The following CNTN6 variants were observed in gnomAD, a reference collection of about 807,000 sequenced individuals.
CNTN6 encodes the protein contactin-6.
In CNTN6, 137 loss-of-function variants were observed where a neutral mutation model predicts 122.8. The observed-to-expected ratio is 1.12, with a 90% CI of 0.97 to 1.29. The LOEUF is 1.29. CNTN6 is among the 50% of genes most tolerant of loss of function. The pLI is 0.00. For missense variants in CNTN6, 1,634 were observed against 1,223.4 expected, an observed-to-expected ratio of 1.34 and a Z score of -5.01; for synonymous variants, 570 against 426.0, an observed-to-expected ratio of 1.34 and a Z score of -4.16.
chr3:1,380,084 G>A (rs567531962), intron 17 of CNTN6, among the ~76,000 whole-genome samples: 16 of 152,292 alleles, frequency 1.1e-4, no homozygotes, highest in African/African-American at 3.6e-4. Flanking sequence ...TCTGAACTAC[G>A]TTTTGAAAAG....
At chr3:1,094,628 C>T (rs2090423880) in intron 1 of CNTN6, among the ~76,000 whole-genome samples, 1 of 151,630 alleles carries the variant, frequency 6.6e-6, no homozygotes, top group African/African-American at 2.4e-5. Flanking sequence ...TGTAGCTTTC[C>T]TTAATGAAAA....
chr3:1,245,085 G>T (rs1422058674), intron 4 of CNTN6, among the ~76,000 whole-genome samples: 1 of 146,798 alleles, frequency 6.8e-6, no homozygotes, highest in East Asian at 2.0e-4. Context: ...GGGCTCAGAG[G>T]CCTGACAAAA....
At chr3:1,272,180 G>C (rs1334039514) in intron 4 of CNTN6, among the ~76,000 whole-genome samples, 1 of 152,208 alleles carries the variant, frequency 6.6e-6, no homozygotes, top group Non-Finnish European at 1.5e-5. Context: ...GGAGCTGTGA[G>C]TCCATTAAAA....
At chr3:1,336,136 G>T (rs1487440044) in intron 11 of CNTN6, among the ~76,000 whole-genome samples, 1 of 149,730 alleles carries the variant, frequency 6.7e-6, no homozygotes, top group Non-Finnish European at 1.5e-5. Flanking sequence ...TAAAAAAAAA[G>T]CCTACTGCAC....
At chr3:1,262,231 G>A (rs547737479) in intron 4 of CNTN6, among the ~76,000 whole-genome samples, 146 of 152,268 alleles carry the variant, frequency 9.6e-4, no homozygotes, top group African/African-American at 3.4e-3. Flanking sequence ...CAGGGGCAGA[G>A]AAGCTTATGC....
chr3:1,317,405 A>G (rs1700242854), intron 7 of CNTN6, among the ~76,000 whole-genome samples: 1 of 151,782 alleles, frequency 6.6e-6, no homozygotes, highest in Non-Finnish European at 1.5e-5. Context: ...TGAATACAGC[A>G]GGAAAATGAC....
At chr3:1,352,277 C>T in intron 11 of CNTN6, 47 bp from the exon 12 acceptor site, 4 of 1,407,668 alleles carry the variant, frequency 2.8e-6, no homozygotes, top group Non-Finnish European at 3.8e-6. Context: ...TATGATTTAC[C>T]AGTGTTGAAG....
At chr3:1,202,128 C>T (rs1412873805) in intron 2 of CNTN6, among the ~76,000 whole-genome samples, 3 of 152,162 alleles carry the variant, frequency 2.0e-5, no homozygotes, top group Non-Finnish European at 4.4e-5. Context: ...GGGAGTGTCA[C>T]TTATTTCTCT....
intron 1 of CNTN6, among the ~76,000 whole-genome samples, chr3:1,137,055 C>T (rs1221677011): frequency 6.6e-6 from 1 of 152,100 alleles, no homozygotes; most frequent in East Asian, 1.9e-4. Context: ...CTCCTGGCAC[C>T]CCATTCTGTC....
intron 1 of CNTN6, among the ~76,000 whole-genome samples, chr3:1,094,353 A>G (rs1344091846): frequency 1.3e-5 from 2 of 151,914 alleles, no homozygotes; most frequent in Non-Finnish European, 2.9e-5. Context: ...AATTTGTGTA[A>G]AAAAAAAGAA....
rs1696575874 is a variant in CNTN6, at chr3:1,298,004, T to A, written c.761+13T>A. On this transcript the variant is annotated intron_variant, in intron 7 of 22. Transcript: ENST00000446702. ...TTGCCCTTGGAAAGTAAGGTTTTTG[T>A]TTTTGTTTTTGTTTTCCTGGTTGCA... The A allele has an allele frequency of 3.9e-6, 6 of 1,553,850 alleles. No individual in the cohort carries two copies. In the Admixed American group the frequency reaches 1.2e-4, roughly 30 times the overall value.
intron 7 of CNTN6, among the ~76,000 whole-genome samples, chr3:1,313,271 G>A (rs1559793120): frequency 6.6e-6 from 1 of 151,936 alleles, no homozygotes; most frequent in Non-Finnish European, 1.5e-5. Context: ...TGAAATAGTG[G>A]GCTTCAATTC....
At chr3:1,399,659 A>G (rs1276676689) in intron 20 of CNTN6, among the ~76,000 whole-genome samples, 1 of 152,068 alleles carries the variant, frequency 6.6e-6, no homozygotes, top group Admixed American at 6.6e-5. Flanking sequence ...AGCCCAGTGC[A>G]TAATCAATAC....
intron 5 of CNTN6, among the ~76,000 whole-genome samples, chr3:1,287,700 C>T (rs965465564): frequency 5.3e-5 from 8 of 152,146 alleles, no homozygotes; most frequent in African/African-American, 1.9e-4. Context: ...TATCTCTAAT[C>T]ATCCACACTG....
chr3:1,164,396 A>G (rs1222136812), intron 2 of CNTN6, among the ~76,000 whole-genome samples: 3 of 152,216 alleles, frequency 2.0e-5, no homozygotes, highest in Non-Finnish European at 2.9e-5. Context: ...CTTTTGTACC[A>G]TCATCTTCTC....
At chr3:1,126,347 C>T (rs569017287) in intron 1 of CNTN6, among the ~76,000 whole-genome samples, 1 of 151,924 alleles carries the variant, frequency 6.6e-6, no homozygotes, top group South Asian at 2.1e-4. Context: ...AAACCAGATT[C>T]TCTAATTTCC....
intron 2 of CNTN6, among the ~76,000 whole-genome samples, chr3:1,194,486 A>T (rs1240230460): frequency 6.6e-6 from 1 of 152,154 alleles, no homozygotes; most frequent in Non-Finnish European, 1.5e-5. Flanking sequence ...ATTTACTTAC[A>T]TTAATATATT....
chr3:1,214,143 T>A (rs2125490352), intron 2 of CNTN6, among the ~76,000 whole-genome samples: 1 of 152,156 alleles, frequency 6.6e-6, no homozygotes, highest in Non-Finnish European at 1.5e-5. Flanking sequence ...CCATTATTCC[T>A]CTTTCATTCT....
At chr3:1,284,664 A>C (rs1694042094) in intron 5 of CNTN6, among the ~76,000 whole-genome samples, 1 of 152,230 alleles carries the variant, frequency 6.6e-6, no homozygotes. Context: ...AAAGCATGAC[A>C]GGTGGTAATA....
Sources: allele counts gnomAD v4.1 joint callset (sites outside exome capture counted in the v4.1 genomes callset), GRCh38; gene constraint gnomAD v4.1.1; transcripts MANE v1.5; gene names NCBI Gene and HGNC (gene_info 2026-07-23, HGNC 2026-07-21).